Variants in PSMD4 observed in about 807,000 individuals in gnomAD.
PSMD4 encodes 26S proteasome non-ATPase regulatory subunit 4.
Under a neutral mutation model 39.7 loss-of-function variants are expected in PSMD4, and 5 were observed. That is an observed-to-expected ratio of 0.13 (90% confidence interval 0.07 to 0.26). The LOEUF is 0.26. PSMD4 is among the 10% of genes least tolerant of loss of function. PSMD4 has a pLI of 1.00. For missense variants in PSMD4, 272 were observed against 486.1 expected (o/e 0.56, Z 4.14); for synonymous variants, 143 against 174.6 (o/e 0.82, Z 1.43).
chr1:151,265,311 G>T (rs1047168350), intron 5 of PSMD4, 77 bp downstream of exon 5: 1 of 1,592,776 alleles, frequency 6.3e-7, no homozygotes, highest in African/African-American at 1.3e-5. Flanking sequence ...AGGAGTGCGG[G>T]TACTGTGGCA....
intron 1 of PSMD4, among the ~76,000 whole-genome samples, chr1:151,258,212 G>A (rs1490056951): frequency 2.0e-5 from 3 of 151,756 alleles, no homozygotes; most frequent in African/African-American, 7.3e-5. Context: ...ATTTTTAGTA[G>A]AGATGAGGTT....
chr1:151,260,598 C>T (rs1370171491), intron 1 of PSMD4, among the ~76,000 whole-genome samples: 1 of 152,062 alleles, frequency 6.6e-6, no homozygotes, highest in Non-Finnish European at 1.5e-5. Context: ...GGCAGTGGCA[C>T]GATCTTGGCT....
At chr1:151,266,643 C>T in intron 9 of PSMD4, 56 bp downstream of exon 9, 2 of 1,574,674 alleles carry the variant, frequency 1.3e-6, no homozygotes, top group Non-Finnish European at 1.7e-6. Context: ...AGATCCTCAT[C>T]CCTCTGGGGC....
intron 2 of PSMD4, among the ~76,000 whole-genome samples, chr1:151,263,236 G>A (rs1693350719): frequency 6.6e-6 from 1 of 152,154 alleles, no homozygotes; most frequent in Non-Finnish European, 1.5e-5. Flanking sequence ...GGCCAAGGCA[G>A]ACGGATCACT....
chr1:151,266,479 G>T, intron 8 of PSMD4, 40 bp downstream of exon 8: 3 of 1,614,218 alleles, frequency 1.9e-6, no homozygotes, highest in Non-Finnish European at 2.5e-6. Context: ...AGAGGTTGGG[G>T]TGAGGAAGTG....
intron 1 of PSMD4, among the ~76,000 whole-genome samples, chr1:151,256,308 C>T (rs1693163661): frequency 1.4e-5 from 2 of 143,566 alleles, no homozygotes; most frequent in Admixed American, 1.4e-4. Context: ...GGCGCCACTG[C>T]ACTCTAGCCT....
chr1:151,263,084 T>C (rs1479958575), intron 2 of PSMD4, among the ~76,000 whole-genome samples: 1 of 152,134 alleles, frequency 6.6e-6, no homozygotes, highest in Non-Finnish European at 1.5e-5. Context: ...GGGGAAAATA[T>C]TTGGAAGTAG....
Position 151,267,420 on chromosome 1 carries a change from A to T in PSMD4, c.*77A>T. 1 of 1,487,874 alleles carries T rather than the reference A, an allele frequency of 6.7e-7. No individual in the cohort carries two copies. Among genetic ancestry groups the T allele is most frequent in the Non-Finnish European group, 9.1e-7 (1 of 1,094,410 alleles). 92.2% of individuals were successfully genotyped at this position (1,487,874 alleles called of 1,614,324 possible). ...CGGAATATAGGGTTAGATGTGTGTT[A>T]TCTGTAACCATTACAGCCTAAATAA... On this transcript the variant is annotated 3_prime_UTR_variant, in exon 10 of 10. Transcript: ENST00000368884.
chr1:151,254,882 TGGGGTGG>T, intron 1 of PSMD4, 74 bp downstream of exon 1: 1 of 967,396 alleles, frequency 1.0e-6, no homozygotes, highest in Non-Finnish European at 1.4e-6. Flanking sequence ...AGGGAGGGCC[TGGGGTGG>T]GGGCCAGGGG....
In PSMD4 at chr1:151,266,017, CTA is replaced by C. The variant is rs1235433857; in HGVS notation, c.670_671del (p.Met224GlyfsTer21). 1 of 1,602,338 alleles carries C rather than the reference CTA, an allele frequency of 6.2e-7. No homozygotes were observed. The highest frequency in any genetic ancestry group is 1.3e-5 in the African/African-American group (1 of 74,704). Reference sequence around the variant, plus strand: ...GCCCTTCACCAGGCCCTTCGTGTATCTATGGAAGAGCAGCGGCAGCGGCAGGA... The same window carrying C: ...GCCCTTCACCAGGCCCTTCGTGTATCTGGAAGAGCAGCGGCAGCGGCAGGA... On this transcript the variant is annotated frameshift_variant, in exon 7 of 10. Transcript: ENST00000368884. LOFTEE classifies it high-confidence loss of function.
chr1:151,258,791 G>C (rs1048403634), intron 1 of PSMD4, among the ~76,000 whole-genome samples: 1 of 151,866 alleles, frequency 6.6e-6, no homozygotes, highest in Non-Finnish European at 1.5e-5. Flanking sequence ...AGGTTTTGGC[G>C]GTAATCCCAG....
At position 151,266,594 on chromosome 1, in the gene PSMD4, C is replaced by T. The variant is rs745662136; in HGVS notation, c.963+7C>T. On this transcript the variant is annotated splice_region_variant and intron_variant, in intron 9 of 9. Transcript: ENST00000368884. ...CACATCTGAGCCAGCCAAGGTGAGA[C>T]CCAACCCTGCCCCCATCAGGTTTAA... 16 of 1,613,968 alleles carry T rather than the reference C, an allele frequency of 9.9e-6. No individual in the cohort carries two copies. Among genetic ancestry groups the T allele is most frequent in the African/African-American group, 1.3e-5 (1 of 75,058 alleles).
At chr1:151,256,229 A>G (rs1387150493) in intron 1 of PSMD4, among the ~76,000 whole-genome samples, 1 of 150,888 alleles carries the variant, frequency 6.6e-6, no homozygotes, top group East Asian at 2.0e-4. Flanking sequence ...CTGTAGTCCC[A>G]GCTACTCCAG....
intron 9 of PSMD4, 68 bp from the exon 10 acceptor site, chr1:151,267,105 T>C (rs1005785261): frequency 1.3e-6 from 2 of 1,582,134 alleles, no homozygotes; most frequent in Non-Finnish European, 1.7e-6. Flanking sequence ...GGCATGCTCC[T>C]GTCCTTAACA....
intron 2 of PSMD4, 178 bp downstream of exon 2, chr1:151,262,479 G>A: frequency 1.4e-6 from 1 of 705,202 alleles, no homozygotes; most frequent in East Asian, 2.8e-5. Flanking sequence ...ATGTAGTACG[G>A]AAGCTAAATC....
At position 151,254,762 on chromosome 1, in the gene PSMD4, G is replaced by A. The variant is rs1194012883; in HGVS notation, c.-21G>A. The A allele has an allele frequency of 6.4e-7, 1 of 1,559,402 alleles. No individual in the cohort carries two copies. ...GTTAGGCCGTCCCGGAGACCCGGTCGGGAGGGAGGAAGGTGGCAAGATGGT... is the reference window on the plus strand; with the variant it reads ...GTTAGGCCGTCCCGGAGACCCGGTCAGGAGGGAGGAAGGTGGCAAGATGGT... On this transcript the variant is annotated 5_prime_UTR_variant, in exon 1 of 10. Transcript: ENST00000368884.
At chr1:151,265,716 A>G (rs1230736111) in intron 6 of PSMD4, 107 bp downstream of exon 6, 30 of 1,239,672 alleles carry the variant, frequency 2.4e-5, no homozygotes, top group Middle Eastern at 1.9e-4. Context: ...GACACTACCA[A>G]TCACTCATTT....
At chr1:151,264,090 C>T (rs1361369701) in intron 3 of PSMD4, 62 bp downstream of exon 3, 1 of 1,262,182 alleles carries the variant, frequency 7.9e-7, no homozygotes, top group Admixed American at 2.1e-5. Context: ...CTCCATCATA[C>T]TCATTTCTCC....
At chr1:151,266,226 G>A (rs1693446595) in intron 7 of PSMD4, 82 bp from the exon 8 acceptor site, 26 of 1,602,104 alleles carry the variant, frequency 1.6e-5, no homozygotes, top group Non-Finnish European at 2.2e-5. Context: ...TATGTGGGAG[G>A]GCTGGGCTAG....
Sources: gnomAD v4.1 joint callset for allele counts (sites outside exome capture counted in the v4.1 genomes callset) on GRCh38, gnomAD v4.1.1 for gene constraint, MANE v1.5 for transcripts, NCBI Gene and HGNC (gene_info 2026-07-23, HGNC 2026-07-21) for gene names.